Variants in HERC2 observed in about 807,000 individuals in gnomAD.
HERC2 encodes the protein HECT and RLD domain containing E3 ubiquitin protein ligase 2.
A neutral mutation model predicts 537.7 loss-of-function variants in HERC2; 102 were observed. The ratio of observed to expected loss-of-function variants is 0.19; its 90% CI spans 0.16 to 0.22. The LOEUF is 0.22. Among genes scored for constraint, HERC2 ranks in the 10% least tolerant of loss-of-function variants. HERC2 has a pLI of 1.00. For missense variants in HERC2, 4,236 were observed against 6,198.2 expected, an observed-to-expected ratio of 0.68 and a Z score of 10.63; for synonymous variants, 2,224 against 2,466.2, an observed-to-expected ratio of 0.90 and a Z score of 2.91.
At chr15:28,291,138 C>T (rs2076299645) in intron 4 of HERC2, among the ~76,000 whole-genome samples, 1 of 152,174 alleles carries the variant, frequency 6.6e-6, no homozygotes, top group African/African-American at 2.4e-5. Flanking sequence ...CTGGTACTTA[C>T]TACATGCAAG....
intron 65 of HERC2, among the ~76,000 whole-genome samples, chr15:28,171,999 C>T (rs1426420526): frequency 1.3e-5 from 2 of 150,124 alleles, no homozygotes; most frequent in South Asian, 2.1e-4. Context: ...GGCGTGAACC[C>T]GGGAAGCAGA....
At chr15:28,217,791 G>T (rs565388246) in intron 38 of HERC2, among the ~76,000 whole-genome samples, 1 of 152,146 alleles carries the variant, frequency 6.6e-6, no homozygotes, top group Non-Finnish European at 1.5e-5. Context: ...AGGGGCAGGG[G>T]CCATGTGAAG....
At chr15:28,278,064 C>T (rs1019361811) in intron 5 of HERC2, among the ~76,000 whole-genome samples, 4 of 150,878 alleles carry the variant, frequency 2.7e-5, no homozygotes, top group Admixed American at 6.6e-5. Flanking sequence ...AAGACCAGCC[C>T]GGGCAACATG....
intron 23 of HERC2, among the ~76,000 whole-genome samples, chr15:28,239,169 T>A (rs1464069888): frequency 6.6e-6 from 1 of 152,000 alleles, no homozygotes; most frequent in African/African-American, 2.4e-5. Context: ...CCCAAAATTC[T>A]AAGAAAAAAA....
At chr15:28,227,971 T>G (rs1901396797) in intron 35 of HERC2, among the ~76,000 whole-genome samples, 1 of 152,018 alleles carries the variant, frequency 6.6e-6, no homozygotes, top group Non-Finnish European at 1.5e-5. Context: ...GAGTGAGGAC[T>G]GATGGCTAAA....
intron 44 of HERC2, among the ~76,000 whole-genome samples, chr15:28,210,617 C>T (rs1268962090): frequency 2.6e-5 from 4 of 151,844 alleles, no homozygotes; most frequent in South Asian, 4.2e-4. Context: ...TCATGGAGTG[C>T]GGCTTTACGC....
rs554154818 is a variant in HERC2, at chr15:28,122,666, G to A, written c.13189-1237C>T. Among the ~76,000 whole-genome samples, 39 of 152,152 alleles carry A rather than the reference G, an allele frequency of 2.6e-4. No homozygotes were observed. In the South Asian group the frequency reaches 2.7e-3, roughly 11 times the overall value. On this transcript the variant is annotated intron_variant, in intron 85 of 92. Transcript: ENST00000261609. This position sits in a 1 kb window ranked among gnomAD's most constrained non-coding sequence, Gnocchi z 4.1. ...AGAGTCCATTTTGGTGCTCTGGACCGGGAGTAGTAACACCCACTCTCTGAG... is the reference window on the plus strand; with the variant it reads ...AGAGTCCATTTTGGTGCTCTGGACCAGGAGTAGTAACACCCACTCTCTGAG...
At position 28,268,343 on chromosome 15, in the gene HERC2, A is replaced by T; in HGVS notation, c.1598+122T>A. ...GAGGCATATCGTAGTGTCCTGCTCC[A>T]TCCCAGCGCTACATGTCAGGGCAAT... is the stretch of plus-strand genomic sequence containing the variant. On this transcript the variant is annotated intron_variant, in intron 12 of 92. Coordinates refer to ENST00000261609, the MANE Select transcript of HERC2 (RefSeq NM_004667.6). The surrounding 1 kb of genome is among the most constrained non-coding windows in gnomAD (Gnocchi z 4.7). 1.1e-6 allele frequency: 1 copy of T among 872,234 alleles called. No homozygotes were observed. The highest frequency in any genetic ancestry group is 3.5e-4 in the Middle Eastern group (1 of 2,858). The allele number at this position is 872,234 out of a possible 1,614,324, so 54.0% of individuals were successfully genotyped here.
chr15:28,224,429 C>T (rs1482455228), intron 35 of HERC2, among the ~76,000 whole-genome samples: 1 of 152,082 alleles, frequency 6.6e-6, no homozygotes, highest in African/African-American at 2.4e-5. Context: ...TCTATGTTGC[C>T]CAAGTTGGTC....
chr15:28,206,586 C>T (rs1468193672), intron 44 of HERC2, among the ~76,000 whole-genome samples: 3 of 151,702 alleles, frequency 2.0e-5, no homozygotes, highest in African/African-American at 4.9e-5. Context: ...GTAATCCCTG[C>T]ACTTCGGGAG....
At chr15:28,174,286 C>T (rs59916304) in intron 65 of HERC2, 109 bp downstream of exon 65, 13,003 of 700,910 alleles carry the variant, frequency 0.019, 452 homozygotes, top group African/African-American at 0.12. Context: ...AGTCATAATG[C>T]AGTTAACATG....
intron 85 of HERC2, 117 bp from the exon 86 acceptor site, chr15:28,121,546 ACTGCCAGTTCC>A: frequency 1.2e-6 from 1 of 812,416 alleles, no homozygotes; most frequent in Non-Finnish European, 2.1e-6. Context: ...AGGACAGAAA[ACTGCCAGTTCC>A]CTTTTCTCAA....
intron 75 of HERC2, 42 bp from the exon 76 acceptor site, chr15:28,142,435 T>C (rs1331251745): frequency 8.8e-6 from 14 of 1,593,182 alleles, no homozygotes; most frequent in Admixed American, 3.5e-5. Context: ...AACTCAGAAA[T>C]GCAGTGAACA....
At chr15:28,112,227 C>T (rs1034755681) in intron 92 of HERC2, among the ~76,000 whole-genome samples, 192 bp from the exon 93 acceptor site, 5 of 152,094 alleles carry the variant, frequency 3.3e-5, no homozygotes, top group African/African-American at 1.2e-4. Context: ...GAAACAGCAC[C>T]TCACTATGGA....
At position 28,233,293 on chromosome 15, in the gene HERC2, T is replaced by C. The variant is rs768657054; in HGVS notation, c.4528A>G (p.Ile1510Val). The C allele has an allele frequency of 1.3e-6, 2 of 1,549,888 alleles. No homozygotes were observed. The highest frequency in any genetic ancestry group is 4.5e-5 in the East Asian group (2 of 44,592). The part of the protein sequence containing the change: ...RSYKEVCAPV[I>V]ERLRFLFNEL... ...TTAAAGAGGAATCTCAAACGTTCGA[T>C]GACAGGAGCGCAGACCTCCTTGTAA... The change falls in exon 30 of 93, where the codon ATC becomes GTC. Residue 1510 changes from isoleucine to valine, a missense_variant. Transcript: ENST00000261609.
At chr15:28,193,915 G>A (rs1897087388) in intron 52 of HERC2, among the ~76,000 whole-genome samples, 1 of 151,972 alleles carries the variant, frequency 6.6e-6, no homozygotes, top group Non-Finnish European at 1.5e-5. Context: ...AAATATCAAG[G>A]GGTATCTTCA....
Position 28,260,959 on chromosome 15 carries a change from T to C in HERC2, c.2134A>G (p.Ile712Val). Reference protein sequence around the residue: ...LLEGLQGKKVIDVAAGSTHCL... With the variant: ...LLEGLQGKKVVDVAAGSTHCL... Reference sequence around the variant, plus strand: ...TGGGTGGAGCCTGCAGCCACATCAATCACCTTCTTCCCTACAAGGGAAGAG... The same window carrying C: ...TGGGTGGAGCCTGCAGCCACATCAACCACCTTCTTCCCTACAAGGGAAGAG... Residue 712 changes from isoleucine (I) to valine (V), a missense_variant, in exon 16 of 93, where the codon ATT (isoleucine) becomes GTT (valine). By Grantham distance (29) the Ile-to-Val change is conservative. Around this residue, in one of 27 missense-constraint regions of HERC2, gnomAD observed 754 missense variants for 1,085.0 expected, o/e 0.69. Transcript: ENST00000261609. 2.5e-6 allele frequency: 4 copies of C among 1,613,598 alleles called. No homozygotes were observed. The highest frequency in any genetic ancestry group is 3.4e-6 in the Non-Finnish European group (4 of 1,179,710).
At chr15:28,184,336 C>A (rs577142583) in intron 56 of HERC2, among the ~76,000 whole-genome samples, 2 of 152,154 alleles carry the variant, frequency 1.3e-5, no homozygotes, top group Admixed American at 6.5e-5. Flanking sequence ...GCCAGCTGTA[C>A]GTGGTCAGTG....
intron 68 of HERC2, among the ~76,000 whole-genome samples, chr15:28,167,221 G>GT (rs1428524525): frequency 3.9e-5 from 6 of 152,180 alleles, no homozygotes; most frequent in Admixed American, 2.6e-4. Context: ...CCTTAACCAA[G>GT]TGATAAGCTA....
Sources: gnomAD v4.1 joint callset for allele counts (sites outside exome capture counted in the v4.1 genomes callset) on GRCh38, gnomAD v4.1.1 for gene constraint, gnomAD v4.1.1 regional missense constraint, Gnocchi (gnomAD v3.1) non-coding constraint, MANE v1.5 for transcripts, NCBI Gene and HGNC (gene_info 2026-07-23, HGNC 2026-07-21) for gene names.